Variants in SLC27A2 observed in about 807,000 individuals in gnomAD.
SLC27A2 encodes solute carrier family 27 member 2, also known as long-chain fatty acid transport protein 2.
Under a neutral mutation model 60.0 loss-of-function variants are expected in SLC27A2, and 54 were observed. That is an observed-to-expected ratio of 0.90 (90% CI 0.72 to 1.13). The LOEUF is 1.13. Among genes scored for constraint, SLC27A2 ranks in the 50% most tolerant of loss-of-function variants. The probability of loss-of-function intolerance (pLI) is 0.00; values close to 1 mark genes in which losing one functional copy is unlikely to be tolerated. For synonymous variants in SLC27A2, 297 were observed against 297.6 expected (o/e 1.00, Z 0.02); for missense variants, 739 against 777.6 (o/e 0.95, Z 0.59).
chr15:50,228,483 A>G (rs2045292664), intron 7 of SLC27A2, among the ~76,000 whole-genome samples: 1 of 148,026 alleles, frequency 6.8e-6, no homozygotes, highest in Non-Finnish European at 1.5e-5. Context: ...ATCTCCCTGT[A>G]ACTAAAGTGT....
chr15:50,223,244 C>G (rs1304820018), intron 5 of SLC27A2, 85 bp downstream of exon 5: 1 of 1,021,460 alleles, frequency 9.8e-7, no homozygotes, highest in African/African-American at 1.6e-5. Context: ...ATGATGTTAT[C>G]AGAAGTCAGG....
At chr15:50,218,990 T>C (rs2045222872) in intron 4 of SLC27A2, among the ~76,000 whole-genome samples, 1 of 152,094 alleles carries the variant, frequency 6.6e-6, no homozygotes, top group African/African-American at 2.4e-5. Flanking sequence ...ACTAAGGAAA[T>C]GAAGCAAATT....
intron 4 of SLC27A2, among the ~76,000 whole-genome samples, chr15:50,217,784 G>C (rs1266512931): frequency 6.6e-6 from 1 of 152,086 alleles, no homozygotes; most frequent in South Asian, 2.1e-4. Context: ...GGCCAGGCAC[G>C]GTGGCTCACG....
chr15:50,197,613 G>C lies in SLC27A2; in HGVS notation c.592G>C (p.Val198Leu), dbSNP rs1325846845. The C allele has an allele frequency of 1.2e-6, 2 of 1,614,072 alleles. No homozygotes were observed. Among genetic ancestry groups the C allele is most frequent in the Admixed American group, 3.3e-5 (2 of 60,022 alleles). The change falls in exon 2 of 10, where the codon GTG becomes CTG. Residue 198 changes from valine to leucine, a missense_variant. By Grantham distance (32) the Val-to-Leu change is conservative. Transcript: ENST00000267842. ...TDGIDSFLDK[V>L]DEVSTEPIPE... ...TGGGATTGACTCTTTCCTGGACAAA[G>C]TGGATGAAGTATCAACTGAACCTAT...
intron 1 of SLC27A2, among the ~76,000 whole-genome samples, chr15:50,189,955 A>T (rs796651479): frequency 9.2e-5 from 14 of 152,344 alleles, no homozygotes; most frequent in African/African-American, 3.4e-4. Flanking sequence ...AAAAATTAAC[A>T]TCAAGGAGAT....
chr15:50,215,654 A>G (rs1488987120), intron 4 of SLC27A2, among the ~76,000 whole-genome samples: 1 of 152,206 alleles, frequency 6.6e-6, no homozygotes, highest in Admixed American at 6.5e-5. Flanking sequence ...ACCCAGAAAT[A>G]AAGCTAAATA....
intron 4 of SLC27A2, among the ~76,000 whole-genome samples, chr15:50,217,678 T>C (rs537965277): frequency 2.0e-5 from 3 of 152,102 alleles, no homozygotes; most frequent in South Asian, 2.1e-4. Flanking sequence ...TACTCTTAAA[T>C]CTGAACAAAC....
chr15:50,227,272 T>TTCCTTCTCTA, intron 7 of SLC27A2, 94 bp downstream of exon 7: 1 of 934,496 alleles, frequency 1.1e-6, no homozygotes, highest in Non-Finnish European at 1.7e-6. Flanking sequence ...TATGGTGCAT[T>TTCCTTCTCTA]TCCTTCTCTA....
At position 50,235,056 on chromosome 15, in the gene SLC27A2, C is replaced by T. The variant is rs574970250; in HGVS notation, c.1687-864C>T. Among the ~76,000 whole-genome samples, 9 of 152,112 alleles carry T rather than the reference C, an allele frequency of 5.9e-5. No individual in the cohort carries two copies. The East Asian group carries it at 1.7e-3, about 29-fold the overall frequency. On this transcript the variant is annotated intron_variant, in intron 9 of 9. Coordinates refer to ENST00000267842, the MANE Select transcript of SLC27A2 (RefSeq NM_003645.4). ...CACCGCTAGGAGGATTTTTTTTCTT[C>T]CTCCAACATTAACCCTTTGGTTGGT...
intron 1 of SLC27A2, among the ~76,000 whole-genome samples, chr15:50,193,849 T>C (rs1694793059): frequency 1.3e-5 from 2 of 152,186 alleles, no homozygotes; most frequent in Admixed American, 6.5e-5. Flanking sequence ...CCCTGTCTAA[T>C]AGAGGAGAAA....
chr15:50,227,300 C>G lies in SLC27A2; in HGVS notation c.1457+122C>G. On this transcript the variant is annotated intron_variant, in intron 7 of 9. Transcript: ENST00000267842. ...CTTCTCTATCTTTGGCACATCAGGT[C>G]AAACTCCTGTGTTCCCAGAGAATGA... The G allele has an allele frequency of 4.2e-6, 3 of 719,272 alleles. No individual in the cohort carries two copies. In the East Asian group the frequency reaches 7.8e-5, roughly 19 times the overall value. The allele number at this position is 719,272 out of a possible 1,614,324, so 44.6% of individuals were successfully genotyped here.
At chr15:50,203,237 A>G (rs886334839) in intron 3 of SLC27A2, among the ~76,000 whole-genome samples, 2 of 152,100 alleles carry the variant, frequency 1.3e-5, no homozygotes, top group Non-Finnish European at 2.9e-5. Context: ...ATTCTATGTC[A>G]TGTCATTTCC....
intron 2 of SLC27A2, among the ~76,000 whole-genome samples, chr15:50,199,165 A>T (rs1401880969): frequency 6.6e-6 from 1 of 152,208 alleles, no homozygotes; most frequent in African/African-American, 2.4e-5. Context: ...TGGTAAAATT[A>T]AATTGTAAAT....
Position 50,182,610 on chromosome 15 carries a change from G to A in SLC27A2, c.183G>A (p.Glu61=). 3 of 1,613,798 alleles carry A rather than the reference G, an allele frequency of 1.9e-6. No individual in the cohort carries two copies. In the East Asian group the frequency reaches 6.7e-5, roughly 36 times the overall value. The change falls in exon 1 of 10, where the codon GAG becomes GAA. Residue 61 remains glutamate (E), a synonymous_variant. Coordinates refer to ENST00000267842, the MANE Select transcript of SLC27A2 (RefSeq NM_003645.4). ...PARTILRAFL[E]KARQTPHKPF... ...GCACCATCCTGCGGGCGTTCCTGGA[G>A]AAAGCGCGCCAGACGCCACACAAGC...
At chr15:50,186,804 G>T (rs1289856872) in intron 1 of SLC27A2, among the ~76,000 whole-genome samples, 1 of 152,158 alleles carries the variant, frequency 6.6e-6, no homozygotes, top group African/African-American at 2.4e-5. Context: ...ATGATCAAGT[G>T]GATAGTTAGG....
At chr15:50,230,973 A>G (rs1247955595) in intron 8 of SLC27A2, among the ~76,000 whole-genome samples, 2 of 152,164 alleles carry the variant, frequency 1.3e-5, no homozygotes, top group African/African-American at 4.8e-5. Flanking sequence ...CGAACTACCA[A>G]GTCAAAATCT....
rs775733748 is a variant in SLC27A2 at position 50,182,496 on chromosome 15, C to G, written c.69C>G (p.Cys23Trp). 4.3e-6 allele frequency: 7 copies of G among 1,611,694 alleles called. No individual in the cohort carries two copies. The highest frequency in any genetic ancestry group is 1.7e-6 in the Non-Finnish European group (2 of 1,179,040). Residue 23 changes from cysteine to tryptophan, a missense_variant, in exon 1 of 10, where the codon TGC (cysteine) becomes TGG (tryptophan). Cys to Trp is a radical substitution (Grantham distance 215). Transcript: ENST00000267842. ...TGCCGCTCCTGGTGAACCTCTGCTG[C>G]CCATACTTCTTCCAGGACATAGGCT... is the stretch of plus-strand genomic sequence containing the variant. ...LFLPLLVNLC[C>W]PYFFQDIGYF...
intron 4 of SLC27A2, among the ~76,000 whole-genome samples, chr15:50,217,469 A>C (rs1350626384): frequency 6.6e-6 from 1 of 152,130 alleles, no homozygotes; most frequent in East Asian, 1.9e-4. Flanking sequence ...TTTCCCCTGC[A>C]CAGATACTGG....
At chr15:50,229,078 A>G (rs1418749954) in intron 8 of SLC27A2, 36 bp downstream of exon 8, 2 of 1,421,828 alleles carry the variant, frequency 1.4e-6, no homozygotes, top group Non-Finnish European at 2.0e-6. Flanking sequence ...TAACCCATAG[A>G]GTAACTGAAC....
Sources: allele counts gnomAD v4.1 joint callset (sites outside exome capture counted in the v4.1 genomes callset), GRCh38; gene constraint gnomAD v4.1.1; transcripts MANE v1.5; gene names NCBI Gene and HGNC (gene_info 2026-07-23, HGNC 2026-07-21).